FUT8: variants seen among roughly 807,000 people sequenced by gnomAD.
FUT8 encodes alpha-(1,6)-fucosyltransferase.
FUT8 carries 29 observed loss-of-function variants against 71.3 expected under a neutral mutation model. That is an observed-to-expected ratio of 0.41 (90% confidence interval 0.30 to 0.55). FUT8 has a LOEUF of 0.55. FUT8 is among the 20% of genes least tolerant of loss of function. The pLI is 0.34. For missense variants in FUT8, 544 were observed against 702.1 expected (o/e 0.77, Z 2.55); for synonymous variants, 254 against 239.3 (o/e 1.06, Z -0.57).
Position 65,652,532 on chromosome 14 carries a change from A to T in FUT8, c.598-16711A>T, listed in dbSNP as rs1210106241. ...CCATGAGGCATTCAGATAAAAAGCT[A>T]ACATTCTGAGGCTGGTGAAGAAGAG... is the stretch of plus-strand genomic sequence containing the variant. On this transcript the variant is annotated intron_variant, in intron 6 of 10. Coordinates refer to ENST00000673929, the MANE Select transcript of FUT8 (RefSeq NM_001371533.1). The surrounding 1 kb of genome is among the most constrained non-coding windows in gnomAD (Gnocchi z 4.0). Among the ~76,000 whole-genome samples, 1 of 152,208 alleles carries T rather than the reference A, an allele frequency of 6.6e-6. No homozygotes were observed. Among genetic ancestry groups the T allele is most frequent in the Non-Finnish European group, 1.5e-5 (1 of 68,030 alleles).
chr14:65,508,349 C>T (rs766245145), intron 2 of FUT8, among the ~76,000 whole-genome samples: 22 of 151,750 alleles, frequency 1.4e-4, no homozygotes, highest in Non-Finnish European at 2.2e-4. Context: ...GGATTACAGG[C>T]GTGAGCCACT....
chr14:65,611,209 GCGCGCGCGCGCGCGCACACACACACACA>G (rs1737913318), intron 3 of FUT8, among the ~76,000 whole-genome samples: 8 of 6,094 alleles, frequency 1.3e-3, no homozygotes, highest in East Asian at 5.9e-3. Flanking sequence ...GCGCGCGCGC[GCGCGCGCGCGCGCGCACACACACACACA>G]CACACACACA....
the FUT8 span, among the ~76,000 whole-genome samples, chr14:65,399,912 T>G: frequency 6.6e-6 from 1 of 152,258 alleles, no homozygotes; most frequent in East Asian, 1.9e-4. Flanking sequence ...TAAAATCTAC[T>G]TTCTTCATTC....
At chr14:65,624,303 T>G (rs1166119316) in intron 5 of FUT8, among the ~76,000 whole-genome samples, 1 of 150,650 alleles carries the variant, frequency 6.6e-6, no homozygotes, top group East Asian at 1.9e-4. Flanking sequence ...TTTTTTTATT[T>G]GATGTTTGGT....
At chr14:65,436,341 A>G (rs191620789) in intron 1 of FUT8, among the ~76,000 whole-genome samples, 24 of 152,278 alleles carry the variant, frequency 1.6e-4, no homozygotes, top group African/African-American at 4.8e-4. Flanking sequence ...TTAAAAAACA[A>G]TGATAGTGGC....
chr14:65,684,327 T>G (rs1383248220), intron 7 of FUT8, among the ~76,000 whole-genome samples: 1 of 152,180 alleles, frequency 6.6e-6, no homozygotes, highest in Non-Finnish European at 1.5e-5. Context: ...AAAGACTGCC[T>G]TGCAATTCTG....
chr14:65,507,866 A>G (rs1347206904), intron 2 of FUT8, among the ~76,000 whole-genome samples: 2 of 152,136 alleles, frequency 1.3e-5, no homozygotes, highest in Non-Finnish European at 2.9e-5. Flanking sequence ...TAGTTTTTTT[A>G]AGGAACGTCC....
the FUT8 span, among the ~76,000 whole-genome samples, chr14:65,361,803 C>T: frequency 8.9e-3 from 1,334 of 150,142 alleles, 17 homozygotes; most frequent in African/African-American, 0.03. Flanking sequence ...AACAAACAAA[C>T]AAACAAATAA....
chr14:65,375,244 T>C, the FUT8 span, among the ~76,000 whole-genome samples: 8 of 152,306 alleles, frequency 5.3e-5, no homozygotes, highest in Non-Finnish European at 1.0e-4. Context: ...GTAATTAAAC[T>C]AGTTGCCACA....
intron 7 of FUT8, among the ~76,000 whole-genome samples, chr14:65,690,641 C>T (rs1893529582): frequency 6.6e-6 from 1 of 151,598 alleles, no homozygotes; most frequent in Admixed American, 6.6e-5. Flanking sequence ...CTCTCTCTCT[C>T]TCTCTCTCAT....
intron 3 of FUT8, among the ~76,000 whole-genome samples, chr14:65,593,855 C>A (rs1887822282): frequency 6.6e-6 from 1 of 152,146 alleles, no homozygotes; most frequent in South Asian, 2.1e-4. Context: ...GGATTACAGG[C>A]ATGCACCACC....
the FUT8 span, among the ~76,000 whole-genome samples, chr14:65,384,479 T>C: frequency 1.4e-4 from 21 of 152,234 alleles, no homozygotes; most frequent in Non-Finnish European, 2.4e-4. The surrounding 1 kb of genome is among the most constrained non-coding windows in gnomAD (Gnocchi z 4.2). Flanking sequence ...TCACCTTTTA[T>C]GTAAAGTCTT....
chr14:65,542,581 G>A (rs370890223), intron 2 of FUT8, among the ~76,000 whole-genome samples: 1 of 152,146 alleles, frequency 6.6e-6, no homozygotes, highest in African/African-American at 2.4e-5. Flanking sequence ...CATACATGCA[G>A]TAGTAAAGAT....
rs976657969 is a variant in FUT8 at position 65,474,235 on chromosome 14, TCAC to T, written c.-228+18521_-228+18523del. Among the ~76,000 whole-genome samples the T allele has an allele frequency of 3.2e-4, 48 of 151,500 alleles. 1 individual carries two copies. The highest frequency in any genetic ancestry group is 6.6e-4 in the Admixed American group (10 of 15,212). ...GATGGGTGTAGTAAAATCTCAGACT[TCAC>T]CACTATACATTTCATCCATGTAACC... On this transcript the variant is annotated intron_variant, in intron 2 of 10. Transcript: ENST00000673929.
chr14:65,634,109 T>C (rs1032800507), intron 6 of FUT8, among the ~76,000 whole-genome samples: 21 of 152,142 alleles, frequency 1.4e-4, no homozygotes, highest in African/African-American at 5.1e-4. Flanking sequence ...ATGGCGGTTT[T>C]GTGGAATAGA....
intron 1 of FUT8, among the ~76,000 whole-genome samples, chr14:65,438,510 T>C (rs2139467643): frequency 6.6e-6 from 1 of 152,240 alleles, no homozygotes; most frequent in East Asian, 1.9e-4. Flanking sequence ...CCAACTTAGA[T>C]CATGAGGATA....
At position 65,443,409 on chromosome 14, in the gene FUT8, C is replaced by CAA. The variant is rs71126747; in HGVS notation, c.-325-12200_-325-12199dup. ...TGGGCAACAGAGCGAGACTCCATCT[C>CAA]AAAAAAAAAAAAAGAGTTTTGAAAA... On this transcript the variant is annotated intron_variant, in intron 1 of 10. Transcript: ENST00000673929. Among the ~76,000 whole-genome samples, 760 of 136,028 alleles carry CAA rather than the reference C, an allele frequency of 5.6e-3. 12 individuals are homozygous for CAA. The highest frequency in any genetic ancestry group is 0.018 in the African/African-American group (652 of 36,018). The allele number at this position is 136,028 out of a possible 152,430, so 89.2% of individuals were successfully genotyped here.
chr14:65,498,078 C>T (rs948776975), intron 2 of FUT8, among the ~76,000 whole-genome samples: 1 of 152,142 alleles, frequency 6.6e-6, no homozygotes, highest in Non-Finnish European at 1.5e-5. Context: ...CAGGAATGCT[C>T]AGCCTCTGTG....
the FUT8 span, among the ~76,000 whole-genome samples, chr14:65,374,234 A>T: frequency 6.6e-6 from 1 of 152,144 alleles, no homozygotes; most frequent in South Asian, 2.1e-4. Flanking sequence ...TGTTTTTGTG[A>T]GAATAGAGAT....
Sources: gnomAD v4.1 joint callset for allele counts (sites outside exome capture counted in the v4.1 genomes callset) on GRCh38, gnomAD v4.1.1 for gene constraint, Gnocchi (gnomAD v3.1) non-coding constraint, MANE v1.5 for transcripts, NCBI Gene and HGNC (gene_info 2026-07-23, HGNC 2026-07-21) for gene names.